The following PRPS1 variants were observed in gnomAD, a reference collection of about 807,000 sequenced individuals.
PRPS1 encodes phosphoribosyl pyrophosphate synthetase 1.
PRPS1 carries 1 observed loss-of-function variant against 16.9 expected under a neutral mutation model. The observed-to-expected ratio is 0.06, with a 90% CI of 0.02 to 0.28. The LOEUF is 0.28. Ranked by LOEUF, PRPS1 falls within the 10% of genes least tolerant of loss-of-function variation. The pLI, the probability that PRPS1 is intolerant of heterozygous loss-of-function variation, is 1.00. For missense variants in PRPS1, 47 were observed against 254.0 expected (o/e 0.19, Z 5.54); for synonymous variants, 70 against 90.2 (o/e 0.78, Z 1.27).
chrX:107,643,034 AAG>A (rs1392814565), intron 4 of PRPS1, among the ~76,000 whole-genome samples: 1 of 112,552 alleles, frequency 8.9e-6, no homozygotes, highest in Non-Finnish European at 1.9e-5. Flanking sequence ...GGTGCAGACT[AAG>A]AGCTCTTGAT....
intron 1 of PRPS1, among the ~76,000 whole-genome samples, chrX:107,631,674 A>G (rs1925310476): frequency 9.0e-6 from 1 of 111,465 alleles, no homozygotes; most frequent in South Asian, 3.7e-4. Context: ...CAGTAATACA[A>G]TATTAATAAT....
chrX:107,638,186 C>G (rs886667396), intron 1 of PRPS1, among the ~76,000 whole-genome samples: 1 of 110,013 alleles, frequency 9.1e-6, no homozygotes, highest in Non-Finnish European at 1.9e-5. Flanking sequence ...CTTGGCTCAC[C>G]GCAACCTGTG....
chrX:107,650,077 C>T lies in PRPS1; in HGVS notation c.*45C>T, dbSNP rs1360876331. On this transcript the variant is annotated 3_prime_UTR_variant, in exon 7 of 7. Transcript: ENST00000372435. ...TTTTGAGAATAAAATCCACCCCACCCTTGTTTCCCCTTGGTATTTGATGAC... is the reference window on the plus strand; with the variant it reads ...TTTTGAGAATAAAATCCACCCCACCTTTGTTTCCCCTTGGTATTTGATGAC... The T allele has an allele frequency of 8.3e-7, 1 of 1,209,956 alleles. No homozygotes were observed.
At chrX:107,635,980 A>G (rs1481195564) in intron 1 of PRPS1, among the ~76,000 whole-genome samples, 1 of 103,143 alleles carries the variant, frequency 9.7e-6, no homozygotes, top group Non-Finnish European at 2.0e-5. Context: ...GAATCACTTG[A>G]ACCCGGGAGG....
chrX:107,643,462 A>G (rs1402421249), intron 4 of PRPS1, among the ~76,000 whole-genome samples: 6 of 112,210 alleles, frequency 5.3e-5, no homozygotes, highest in Admixed American at 1.9e-4. Flanking sequence ...AAAGGTGGGT[A>G]TAGGAAAACT....
chrX:107,646,273 T>TTTA (rs960684557), intron 5 of PRPS1, among the ~76,000 whole-genome samples: 142 of 109,229 alleles, frequency 1.3e-3, no homozygotes, highest in Middle Eastern at 4.6e-3. Flanking sequence ...TGGGTAATTA[T>TTTA]TTATTATTAT....
chrX:107,635,063 G>A (rs1407238715), intron 1 of PRPS1, among the ~76,000 whole-genome samples: 2 of 111,131 alleles, frequency 1.8e-5, no homozygotes, highest in South Asian at 3.8e-4. Context: ...GGATGGTCTC[G>A]ATCACCTGAC....
rs1057515728 is a variant in PRPS1, at chrX:107,650,964, T to TA, written c.*938dup. 12 of 212,415 alleles carry TA rather than the reference T, an allele frequency of 5.6e-5. No individual in the cohort carries two copies. Among genetic ancestry groups the TA allele is most frequent in the Admixed American group, 3.7e-4 (5 of 13,578 alleles). 17.5% of individuals were successfully genotyped at this position (212,415 alleles called of 1,213,427 possible). ...CTCTCAAATGAACTGAGATTCCTGT[T>TA]AAAAAAGATTGATGTTATTGTCTCT... On this transcript the variant is annotated 3_prime_UTR_variant, in exon 7 of 7. Transcript: ENST00000372435.
At chrX:107,638,433 C>T (rs1020629597) in intron 1 of PRPS1, among the ~76,000 whole-genome samples, 7 of 111,030 alleles carry the variant, frequency 6.3e-5, no homozygotes, top group Admixed American at 3.8e-4. Flanking sequence ...TTAGTAGAAA[C>T]GGGTTTCACC....
chrX:107,650,158 G>T lies in PRPS1; in HGVS notation c.*126G>T. On this transcript the variant is annotated 3_prime_UTR_variant, in exon 7 of 7. Transcript: ENST00000372435. ...TGTAGCTTTCTACATCCCACATCAG[G>T]TATATTAGAGCTTATCCGAACTGGG... is the stretch of plus-strand genomic sequence containing the variant. The T allele has an allele frequency of 8.8e-7, 1 of 1,133,883 alleles. No individual in the cohort carries two copies. 93.4% of individuals were successfully genotyped at this position (1,133,883 alleles called of 1,213,427 possible).
intron 1 of PRPS1, among the ~76,000 whole-genome samples, chrX:107,634,865 T>G (rs1444662340): frequency 4.8e-5 from 5 of 103,594 alleles, no homozygotes; most frequent in Non-Finnish European, 9.9e-5. Context: ...AGAGTCTCGC[T>G]CTCTCGCTCT....
At chrX:107,631,140 C>T (rs1325804781) in intron 1 of PRPS1, among the ~76,000 whole-genome samples, 2 of 112,224 alleles carry the variant, frequency 1.8e-5, no homozygotes, top group African/African-American at 6.5e-5. Flanking sequence ...TAGCTCTCTT[C>T]ACTTAGCAAT....
At chrX:107,635,586 C>A (rs1385599326) in intron 1 of PRPS1, among the ~76,000 whole-genome samples, 1 of 110,441 alleles carries the variant, frequency 9.1e-6, no homozygotes, top group Non-Finnish European at 1.9e-5. Context: ...CACTTGCCAC[C>A]ATGCCTAATT....
At position 107,642,460 on chromosome X, in the gene PRPS1, T is replaced by C; in HGVS notation, c.500T>C (p.Ile167Thr). 1.7e-6 allele frequency: 2 copies of C among 1,209,816 alleles called. No homozygotes were observed. The highest frequency in any genetic ancestry group is 3.0e-5 in the East Asian group (1 of 33,760). The change falls in exon 4 of 7, where the codon ATT (isoleucine) becomes ACT (threonine). Residue 167 changes from isoleucine to threonine, a missense_variant. By Grantham distance (89) the Ile-to-Thr change is moderately conservative (BLOSUM62 -1). Around this residue, in one of 3 missense-constraint regions of PRPS1, gnomAD observed 19 missense variants for 155.6 expected, o/e 0.12. Coordinates refer to ENST00000372435, the MANE Select transcript of PRPS1 (RefSeq NM_002764.4). ...ATCTCTGAGTGGAGGAACTGCACTA[T>C]TGTCTCACCTGATGCTGGTGGAGCT... ...ENISEWRNCT[I>T]VSPDAGGAKR...
intron 1 of PRPS1, among the ~76,000 whole-genome samples, chrX:107,635,593 A>G (rs73249852): frequency 0.2 from 21,488 of 109,786 alleles, 2,158 homozygotes; most frequent in Non-Finnish European, 0.29. Flanking sequence ...CACCATGCCT[A>G]ATTTTTAAAT....
At chrX:107,641,162 T>C (rs1925564438) in intron 3 of PRPS1, 162 bp downstream of exon 3, 3 of 1,160,960 alleles carry the variant, frequency 2.6e-6, no homozygotes, top group Non-Finnish European at 3.5e-6. Context: ...TTCATGATCT[T>C]AGTCATTTCA....
chrX:107,633,421 CAAAA>C (rs1182721428), intron 1 of PRPS1, among the ~76,000 whole-genome samples: 1 of 32,954 alleles, frequency 3.0e-5, no homozygotes, highest in East Asian at 1.2e-3. Context: ...GACTCCATCT[CAAAA>C]AAAAAAAAAA....
intron 4 of PRPS1, among the ~76,000 whole-genome samples, chrX:107,644,875 C>T (rs1352757407): frequency 9.1e-6 from 1 of 110,389 alleles, no homozygotes; most frequent in Non-Finnish European, 1.9e-5. Context: ...AGTGCAGTGG[C>T]GCGATCTCAG....
At position 107,641,722 on chromosome X, in the gene PRPS1, G is replaced by C. The variant is rs765911171; in HGVS notation, c.406-644G>C. Among the ~76,000 whole-genome samples the C allele has an allele frequency of 1.0e-3, 117 of 111,976 alleles. 1 individual carries two copies. Among genetic ancestry groups the C allele is most frequent in the Non-Finnish European group, 1.7e-3 (91 of 53,193 alleles). On this transcript the variant is annotated intron_variant, in intron 3 of 6. Transcript: ENST00000372435. The stretch of plus-strand genomic sequence containing the variant: ...CTTTCCAACATAAACCCAAAGTAAG[G>C]GGGGTGGAATACCACCTTTATTTTA...
Sources: allele counts gnomAD v4.1 joint callset (sites outside exome capture counted in the v4.1 genomes callset), GRCh38; gene constraint gnomAD v4.1.1; regional missense constraint gnomAD v4.1.1; transcripts MANE v1.5; gene names NCBI Gene and HGNC (gene_info 2026-07-23, HGNC 2026-07-21).